Variants in IHH observed in about 807,000 individuals in gnomAD.
The protein encoded by IHH is indian hedgehog protein.
IHH carries 9 observed loss-of-function variants against 29.4 expected under a neutral mutation model. That is an observed-to-expected ratio of 0.31 (90% confidence interval 0.18 to 0.53). The LOEUF (loss-of-function observed/expected upper bound fraction) is 0.53, where lower values mean the gene tolerates loss of function less well. IHH is among the 20% of genes least tolerant of loss of function. IHH has a pLI of 0.95. For synonymous variants in IHH, 254 were observed against 252.7 expected, an observed-to-expected ratio of 1.01 and a Z score of -0.05; for missense variants, 454 against 578.1, an observed-to-expected ratio of 0.79 and a Z score of 2.20.
At position 219,058,231 on chromosome 2, in the gene IHH, C is replaced by T. The variant is rs116325869; in HGVS notation, c.316-537G>A. 6.2e-3 allele frequency among the ~76,000 whole-genome samples: 945 copies of T among 152,290 alleles called. 6 individuals are homozygous for T. Among genetic ancestry groups the T allele is most frequent in the Non-Finnish European group, 0.01 (681 of 68,014 alleles). Reference sequence around the variant, plus strand: ...ACAGGCTCTGGAGGCGCGGCAGGTGCAGAGCGTCTCGGTAGCTTCAGGGGG... The same window carrying T: ...ACAGGCTCTGGAGGCGCGGCAGGTGTAGAGCGTCTCGGTAGCTTCAGGGGG... On this transcript the variant is annotated intron_variant, in intron 1 of 2. Transcript: ENST00000295731.
At position 219,060,058 on chromosome 2, in the gene IHH, G is replaced by A. The variant is rs1363834386; in HGVS notation, c.315+95C>T. 4.5e-6 allele frequency: 5 copies of A among 1,116,184 alleles called. No homozygotes were observed. The highest frequency in any genetic ancestry group is 6.5e-6 in the Non-Finnish European group (5 of 767,984). The allele number at this position is 1,116,184 out of a possible 1,614,324, so 69.1% of individuals were successfully genotyped here. ...GAGAGGGGCAGGTGCCAGGGAGCGTGCCAGCCAGTCGAGAAAATGTGCCAG... is the reference window on the plus strand; with the variant it reads ...GAGAGGGGCAGGTGCCAGGGAGCGTACCAGCCAGTCGAGAAAATGTGCCAG... On this transcript the variant is annotated intron_variant, in intron 1 of 2. Coordinates refer to ENST00000295731, the MANE Select transcript of IHH (RefSeq NM_002181.4). This position sits in a 1 kb window ranked among gnomAD's most constrained non-coding sequence, Gnocchi z 8.8.
chr2:219,058,342 G>T (rs1336349512), intron 1 of IHH, among the ~76,000 whole-genome samples: 1 of 152,156 alleles, frequency 6.6e-6, no homozygotes, highest in Non-Finnish European at 1.5e-5. Flanking sequence ...ATCTTAAACC[G>T]GCCCACAACC....
In IHH at chr2:219,054,501, C is replaced by T. The variant is rs530095801; in HGVS notation, c.*706G>A. ...CCCAAAATTCTCCCATGGGCTTCCC[C>T]CTCCACTCCAATAAATAAGGTATGG... On this transcript the variant is annotated 3_prime_UTR_variant, in exon 3 of 3. Coordinates refer to ENST00000295731, the MANE Select transcript of IHH (RefSeq NM_002181.4). 2.6e-5 allele frequency: 4 copies of T among 152,714 alleles called. No individual in the cohort carries two copies. The highest frequency in any genetic ancestry group is 2.1e-4 in the South Asian group (1 of 4,826). 9.5% of individuals were successfully genotyped at this position (152,714 alleles called of 1,614,324 possible).
chr2:219,058,483 C>T (rs1001167973), intron 1 of IHH, among the ~76,000 whole-genome samples: 3 of 152,198 alleles, frequency 2.0e-5, no homozygotes, highest in Non-Finnish European at 4.4e-5. Context: ...CCTCCAGGAC[C>T]TCTGCACCGG....
At position 219,055,506 on chromosome 2, in the gene IHH, G is replaced by C. The variant is rs563762011; in HGVS notation, c.937C>G (p.Gln313Glu). The change falls in exon 3 of 3, where the codon CAG becomes GAG. Residue 313 changes from glutamine to glutamate, a missense_variant. Gln to Glu is a conservative substitution (Grantham distance 29). Around this residue, in one of 3 missense-constraint regions of IHH, gnomAD observed 271 missense variants for 315.9 expected, o/e 0.86. Transcript: ENST00000295731. ...GAGACAGCTGCCACGCGGGCAGGCTGCAGGCCTGGCACCCCAGCCACCAGC... is the reference window on the plus strand; with the variant it reads ...GAGACAGCTGCCACGCGGGCAGGCTCCAGGCCTGGCACCCCAGCCACCAGC... ...YVLVAGVPGL[Q>E]PARVAAVSTH... The C allele has an allele frequency of 1.2e-6, 2 of 1,610,142 alleles. No individual in the cohort carries two copies. The highest frequency in any genetic ancestry group is 4.5e-5 in the East Asian group (2 of 44,830).
At position 219,060,181 on chromosome 2, in the gene IHH, T is replaced by A. The variant is rs911709347; in HGVS notation, c.287A>T (p.Asn96Ile). ...NPDIIFKDEE[N>I]TGADRLMTQR... is the part of the protein sequence containing the mutation. ...GGTCATGAGGCGGTCGGCGCCTGTG[T>A]TCTCCTCGTCCTTGAAGATGATGTC... Residue 96 changes from asparagine to isoleucine, a missense_variant, in exon 1 of 3, where the codon AAC (asparagine) becomes ATC (isoleucine). Asn to Ile is a moderately radical substitution (Grantham distance 149, BLOSUM62 -3). Coordinates refer to ENST00000295731, the MANE Select transcript of IHH (RefSeq NM_002181.4). This position sits in a 1 kb window ranked among gnomAD's most constrained non-coding sequence, Gnocchi z 8.8. The A allele has an allele frequency of 6.2e-7, 1 of 1,612,134 alleles. No homozygotes were observed. The highest frequency in any genetic ancestry group is 8.5e-7 in the Non-Finnish European group (1 of 1,179,090).
At chr2:219,058,739 A>C (rs942902247) in intron 1 of IHH, 1 of 154,910 alleles carries the variant, frequency 6.5e-6, no homozygotes, top group Non-Finnish European at 1.5e-5. Flanking sequence ...CCCTTCCACC[A>C]GTCCTCGACT....
chr2:219,060,069 G>A lies in IHH; in HGVS notation c.315+84C>T, dbSNP rs1298916748. 10 of 1,237,184 alleles carry A rather than the reference G, an allele frequency of 8.1e-6. No individual in the cohort carries two copies. The highest frequency in any genetic ancestry group is 4.7e-5 in the East Asian group (2 of 42,732). The allele number at this position is 1,237,184 out of a possible 1,614,324, so 76.6% of individuals were successfully genotyped here. On this transcript the variant is annotated intron_variant, in intron 1 of 2. Coordinates refer to ENST00000295731, the MANE Select transcript of IHH (RefSeq NM_002181.4). The surrounding 1 kb of genome is among the most constrained non-coding windows in gnomAD (Gnocchi z 8.8). Reference sequence around the variant, plus strand: ...GTGCCAGGGAGCGTGCCAGCCAGTCGAGAAAATGTGCCAGGGGGTGGGTAG... The same window carrying A: ...GTGCCAGGGAGCGTGCCAGCCAGTCAAGAAAATGTGCCAGGGGGTGGGTAG...
At chr2:219,057,094 G>C (rs1021486180) in intron 2 of IHH, among the ~76,000 whole-genome samples, 1 of 152,188 alleles carries the variant, frequency 6.6e-6, no homozygotes, top group Non-Finnish European at 1.5e-5. Context: ...TGTGCCAGGT[G>C]GGGTGGGGAG....
In IHH at chr2:219,055,651, G is replaced by T. The variant is rs747049125; in HGVS notation, c.792C>A (p.Asp264Glu). The T allele has an allele frequency of 6.2e-6, 10 of 1,614,090 alleles. No individual in the cohort carries two copies. The Admixed American group carries it at 1.0e-4, about 16-fold the overall frequency. Residue 264 changes from aspartate to glutamate, a missense_variant, in exon 3 of 3, where the codon GAC becomes GAA. This residue lies in a region of IHH where 271 missense variants were observed against 315.9 expected (regional missense o/e 0.86). Transcript: ENST00000295731. ...GTGTGAGTGCCAGGCGGCGTGGGGG[G>T]TCCTGAGTCTCGATGACCTGGAAGG... Reference protein sequence around the residue: ...LRAFQVIETQDPPRRLALTPA... With the variant: ...LRAFQVIETQEPPRRLALTPA...
Position 219,060,177 on chromosome 2 carries a change from T to C in IHH, c.291A>G (p.Thr97=). 1 of 1,611,416 alleles carries C rather than the reference T, an allele frequency of 6.2e-7. No homozygotes were observed. Among genetic ancestry groups the C allele is most frequent in the Non-Finnish European group, 8.5e-7 (1 of 1,178,740 alleles). ...CCTGGGTCATGAGGCGGTCGGCGCC[T>C]GTGTTCTCCTCGTCCTTGAAGATGA... The part of the protein sequence containing the change: ...PDIIFKDEEN[T]GADRLMTQRC... Residue 97 remains threonine (T), a synonymous_variant, in exon 1 of 3, where the codon ACA becomes ACG. Coordinates refer to ENST00000295731, the MANE Select transcript of IHH (RefSeq NM_002181.4). The surrounding 1 kb of genome is among the most constrained non-coding windows in gnomAD (Gnocchi z 8.8).
chr2:219,056,843 A>C (rs1948836835), intron 2 of IHH, among the ~76,000 whole-genome samples: 1 of 152,180 alleles, frequency 6.6e-6, no homozygotes, highest in Non-Finnish European at 1.5e-5. Flanking sequence ...ATTCTGATCA[A>C]CAATGCGGCC....
At position 219,055,579 on chromosome 2, in the gene IHH, G is replaced by A; in HGVS notation, c.864C>T (p.Ala288=). 6.2e-7 allele frequency: 1 copy of A among 1,613,372 alleles called. No individual in the cohort carries two copies. The highest frequency in any genetic ancestry group is 8.5e-7 in the Non-Finnish European group (1 of 1,179,902). The change falls in exon 3 of 3, where the codon GCC becomes GCT. Residue 288 remains alanine (A), a synonymous_variant. Transcript: ENST00000295731. ...GGCTGGCAAATGTGGCCCGGAAGCG[G>A]GCTGCCGGCTCCGTGTGATTGTCAG... ...FTADNHTEPA[A]RFRATFASHV...
rs1948875764 is a variant in IHH, at chr2:219,060,791, G to A, written c.-324C>T. ...GGGGCGGCGGGCGGCGGGGCTGCGGGCCGCCGGGCTGGGCTGGGCTGGCCG... is the reference window on the plus strand; with the variant it reads ...GGGGCGGCGGGCGGCGGGGCTGCGGACCGCCGGGCTGGGCTGGGCTGGCCG... On this transcript the variant is annotated 5_prime_UTR_variant, in exon 1 of 3. Coordinates refer to ENST00000295731, the MANE Select transcript of IHH (RefSeq NM_002181.4). The surrounding 1 kb of genome is among the most constrained non-coding windows in gnomAD (Gnocchi z 8.8). 6.8e-6 allele frequency among the ~76,000 whole-genome samples: 1 copy of A among 147,124 alleles called. No homozygotes were observed. The highest frequency in any genetic ancestry group is 6.8e-5 in the Admixed American group (1 of 14,788).
chr2:219,055,588 C>A lies in IHH; in HGVS notation c.855G>T (p.Glu285Asp). 1 of 1,613,644 alleles carries A rather than the reference C, an allele frequency of 6.2e-7. No individual in the cohort carries two copies. The highest frequency in any genetic ancestry group is 8.5e-7 in the Non-Finnish European group (1 of 1,179,942). Reference protein sequence around the residue: ...HLLFTADNHTEPAARFRATFA... With the variant: ...HLLFTADNHTDPAARFRATFA... The stretch of plus-strand genomic sequence containing the variant: ...ATGTGGCCCGGAAGCGGGCTGCCGG[C>A]TCCGTGTGATTGTCAGCCGTAAAGA... The change falls in exon 3 of 3, where the codon GAG becomes GAT. Residue 285 changes from glutamate (E) to aspartate (D), a missense_variant. Physicochemically the swap from Glu to Asp is conservative, Grantham distance 45 (BLOSUM62 2). This residue lies in a region of IHH where 271 missense variants were observed against 315.9 expected (regional missense o/e 0.86). Coordinates refer to ENST00000295731, the MANE Select transcript of IHH (RefSeq NM_002181.4).
At chr2:219,057,121 T>G (rs1252230295) in intron 2 of IHH, among the ~76,000 whole-genome samples, 1 of 152,200 alleles carries the variant, frequency 6.6e-6, no homozygotes, top group Non-Finnish European at 1.5e-5. Flanking sequence ...TCTGGCAGCC[T>G]GGCTTCCTCC....
rs1305111272 is a variant in IHH at position 219,054,760 on chromosome 2, G to A, written c.*447C>T. On this transcript the variant is annotated 3_prime_UTR_variant, in exon 3 of 3. Coordinates refer to ENST00000295731, the MANE Select transcript of IHH (RefSeq NM_002181.4). ...GCCGGGATGGCTGCCCCACCCCTGT[G>A]GCCTTCCCAGTTCTGGACAGCATCG... The A allele has an allele frequency of 5.3e-6, 1 of 187,380 alleles. No individual in the cohort carries two copies. Among genetic ancestry groups the A allele is most frequent in the African/African-American group, 2.4e-5 (1 of 42,146 alleles). 11.6% of individuals were successfully genotyped at this position (187,380 alleles called of 1,614,324 possible).
In IHH at chr2:219,055,282, C is replaced by G; in HGVS notation, c.1161G>C (p.Leu387=). Residue 387 remains leucine, a synonymous_variant, in exon 3 of 3, where the codon CTG becomes CTC. Transcript: ENST00000295731. ...GCAGGAGACGCCCCAGGCGGTAGAGCAGCTGGGGGTACCAATGCACACCCT... is the reference window on the plus strand; with the variant it reads ...GCAGGAGACGCCCCAGGCGGTAGAGGAGCTGGGGGTACCAATGCACACCCT... The part of the protein sequence containing the change: ...PGEGVHWYPQ[L]LYRLGRLLLE... The G allele has an allele frequency of 6.2e-7, 1 of 1,611,760 alleles. No individual in the cohort carries two copies. Among genetic ancestry groups the G allele is most frequent in the Non-Finnish European group, 8.5e-7 (1 of 1,179,332 alleles).
Position 219,057,701 on chromosome 2 carries a change from G to A in IHH, c.316-7C>T. The A allele has an allele frequency of 6.2e-7, 1 of 1,604,804 alleles. No individual in the cohort carries two copies. On this transcript the variant is annotated splice_region_variant and splice_polypyrimidine_tract_variant and intron_variant, in intron 1 of 2. Coordinates refer to ENST00000295731, the MANE Select transcript of IHH (RefSeq NM_002181.4). Reference sequence around the variant, plus strand: ...TCAGGCGGTCCTTGCAGCGCTGGGAGAGGAATGTGCGCGAAATCAACCAGA... The same window carrying A: ...TCAGGCGGTCCTTGCAGCGCTGGGAAAGGAATGTGCGCGAAATCAACCAGA...
Sources: gnomAD v4.1 joint callset for allele counts (sites outside exome capture counted in the v4.1 genomes callset) on GRCh38, gnomAD v4.1.1 for gene constraint, gnomAD v4.1.1 regional missense constraint, Gnocchi (gnomAD v3.1) non-coding constraint, MANE v1.5 for transcripts, NCBI Gene and HGNC (gene_info 2026-07-23, HGNC 2026-07-21) for gene names.